ADD3: variants seen among roughly 807,000 people sequenced by gnomAD.
The protein encoded by ADD3 is adducin 3.
ADD3 carries 25 observed loss-of-function variants against 80.2 expected under a neutral mutation model. The ratio of observed to expected loss-of-function variants is 0.31; its 90% CI spans 0.23 to 0.44. ADD3 has a LOEUF of 0.44. Ranked by LOEUF, ADD3 falls within the 20% of genes least tolerant of loss-of-function variation. The pLI, the probability that ADD3 is intolerant of heterozygous loss-of-function variation, is 1.00. For missense variants in ADD3, 829 were observed against 847.5 expected, an observed-to-expected ratio of 0.98 and a Z score of 0.27; for synonymous variants, 284 against 289.6, an observed-to-expected ratio of 0.98 and a Z score of 0.20.
At chr10:110,130,313 T>C (rs748692770) in intron 12 of ADD3, 50 bp from the exon 13 acceptor site, 10 of 1,582,228 alleles carry the variant, frequency 6.3e-6, no homozygotes, top group Admixed American at 1.7e-5. Flanking sequence ...TGGATAGATA[T>C]ATAAGTAAAA....
chr10:110,039,562 C>A (rs182323078), intron 1 of ADD3, among the ~76,000 whole-genome samples: 192 of 152,246 alleles, frequency 1.3e-3, no homozygotes, highest in Middle Eastern at 3.4e-3. Flanking sequence ...ACAGTGAGCA[C>A]CCTGTTTAAA....
At chr10:110,017,673 AATAAAATT>A in intron 1 of ADD3, among the ~76,000 whole-genome samples, 1 of 152,294 alleles carries the variant, frequency 6.6e-6, no homozygotes, top group Middle Eastern at 3.4e-3. Context: ...TCCACAGTAC[AATAAAATT>A]AAACCATGTG....
chr10:110,112,883 A>G lies in ADD3; in HGVS notation c.302A>G (p.Asn101Ser), dbSNP rs765637788. ...CAGATTGCAGATTACATCATGGCCA[A>G]TTCTTTCTCGGGTTTTTCTTCACCT... ...LQQIADYIMA[N>S]SFSGFSSPPL... The change falls in exon 3 of 15, where the codon AAT becomes AGT. Residue 101 changes from asparagine (N) to serine (S), a missense_variant. Coordinates refer to ENST00000356080, the MANE Select transcript of ADD3 (RefSeq NM_016824.5). The G allele has an allele frequency of 2.5e-6, 4 of 1,613,922 alleles. No homozygotes were observed. Among genetic ancestry groups the G allele is most frequent in the East Asian group, 2.2e-5 (1 of 44,868 alleles).
chr10:110,042,632 A>G (rs1856495827), intron 1 of ADD3, among the ~76,000 whole-genome samples: 1 of 151,680 alleles, frequency 6.6e-6, no homozygotes, highest in African/African-American at 2.4e-5. Context: ...AAGAATTAGC[A>G]CACTAATAAA....
At chr10:110,056,661 A>G (rs1858231530) in intron 1 of ADD3, among the ~76,000 whole-genome samples, 1 of 152,212 alleles carries the variant, frequency 6.6e-6, no homozygotes, top group South Asian at 2.1e-4. Context: ...ATTTGCTCTA[A>G]GAGTTAATAA....
At chr10:110,007,256 G>A (rs1851713854), upstream of ADD3, among the ~76,000 whole-genome samples, 1 of 152,314 alleles carries the variant, frequency 6.6e-6, no homozygotes, top group Non-Finnish European at 1.5e-5. Flanking sequence ...CTCTCGAGGG[G>A]TCCAAATGAA....
chr10:110,038,996 A>G (rs1302247165), intron 1 of ADD3, among the ~76,000 whole-genome samples: 2 of 152,168 alleles, frequency 1.3e-5, no homozygotes, highest in African/African-American at 2.4e-5. Context: ...GTGTGTTTGG[A>G]GGGTATTACC....
At position 110,093,649 on chromosome 10, in the gene ADD3, T is replaced by C. The variant is rs370755811; in HGVS notation, c.-29-6976T>C. On this transcript the variant is annotated intron_variant, in intron 1 of 14. Coordinates refer to ENST00000356080, the MANE Select transcript of ADD3 (RefSeq NM_016824.5). ...CCGTACCTTGCATGTAGTTCCTTTT[T>C]GTTTGGAACTCAAAGTTGTGTGGAA... is the stretch of plus-strand genomic sequence containing the variant. Among the ~76,000 whole-genome samples the C allele has an allele frequency of 1.9e-4, 29 of 152,370 alleles. No homozygotes were observed. The East Asian group carries it at 5.0e-3, about 26-fold the overall frequency.
intron 1 of ADD3, among the ~76,000 whole-genome samples, chr10:110,082,119 T>G (rs573171412): frequency 6.6e-6 from 1 of 152,278 alleles, no homozygotes; most frequent in Admixed American, 6.5e-5. Flanking sequence ...TATCAGGAAA[T>G]GCTGTTTTTC....
At chr10:110,061,140 G>A (rs895360604) in intron 1 of ADD3, among the ~76,000 whole-genome samples, 39 of 152,160 alleles carry the variant, frequency 2.6e-4, no homozygotes, top group African/African-American at 8.9e-4. Context: ...ATGAGAAAGA[G>A]GTAAGCCAGC....
chr10:110,050,208 G>A (rs2133383056), intron 1 of ADD3, among the ~76,000 whole-genome samples: 1 of 152,290 alleles, frequency 6.6e-6, no homozygotes, highest in African/African-American at 2.4e-5. Flanking sequence ...GGGTCCAGAG[G>A]TGGAATGATA....
At position 110,009,365 on chromosome 10, in the gene ADD3, A is replaced by G. The variant is rs145806068; in HGVS notation, c.-30+1066A>G. ...GCTTTTCTTGGAATGGCTTCTGACTACATAGTGCAGGGTACGTTCCTAATT... is the reference window on the plus strand; with the variant it reads ...GCTTTTCTTGGAATGGCTTCTGACTGCATAGTGCAGGGTACGTTCCTAATT... On this transcript the variant is annotated intron_variant, in intron 1 of 14. Transcript: ENST00000356080. 1.5e-3 allele frequency among the ~76,000 whole-genome samples: 228 copies of G among 152,318 alleles called. 2 individuals are homozygous for G. Among genetic ancestry groups the G allele is most frequent in the African/African-American group, 5.1e-3 (210 of 41,578 alleles).
intron 1 of ADD3, among the ~76,000 whole-genome samples, chr10:110,046,246 TATTTTCTTATG>T (rs1184285463): frequency 1.3e-5 from 2 of 152,174 alleles, no homozygotes; most frequent in Admixed American, 6.5e-5. Flanking sequence ...ACCGTAAATG[TATTTTCTTATG>T]ATTTTCTTAA....
intron 1 of ADD3, among the ~76,000 whole-genome samples, chr10:110,013,061 A>G (rs1251994843): frequency 1.3e-5 from 2 of 151,982 alleles, no homozygotes; most frequent in African/African-American, 2.4e-5. Flanking sequence ...TAAGATGACT[A>G]CCTCTTCAAA....
At chr10:110,009,486 T>C (rs1048076987) in intron 1 of ADD3, among the ~76,000 whole-genome samples, 2 of 152,200 alleles carry the variant, frequency 1.3e-5, no homozygotes, top group Non-Finnish European at 2.9e-5. Context: ...ACTTGACTGT[T>C]AAAAATATTT....
intron 5 of ADD3, among the ~76,000 whole-genome samples, chr10:110,118,064 AC>A (rs1565013935): frequency 7.4e-6 from 1 of 136,022 alleles, no homozygotes. Context: ...ACACACACAC[AC>A]ACACACACAA....
intron 1 of ADD3, among the ~76,000 whole-genome samples, chr10:110,073,186 A>G: frequency 8.0e-6 from 1 of 124,416 alleles, no homozygotes; most frequent in East Asian, 2.3e-4. Context: ...TCTGTCACCC[A>G]GGCTGGAGTG....
At chr10:110,131,694 T>G (rs1853026776) in intron 13 of ADD3, among the ~76,000 whole-genome samples, 1 of 152,252 alleles carries the variant, frequency 6.6e-6, no homozygotes, top group African/African-American at 2.4e-5. Context: ...TTGTTTATTC[T>G]AACATAAAGT....
intron 1 of ADD3, among the ~76,000 whole-genome samples, chr10:110,045,955 C>T (rs1351090054): frequency 6.6e-6 from 1 of 152,130 alleles, no homozygotes; most frequent in South Asian, 2.1e-4. Flanking sequence ...TTCATCCTTC[C>T]AGTAAATTGT....
Sources: allele counts gnomAD v4.1 joint callset (sites outside exome capture counted in the v4.1 genomes callset), GRCh38; gene constraint gnomAD v4.1.1; transcripts MANE v1.5; gene names NCBI Gene and HGNC (gene_info 2026-07-23, HGNC 2026-07-21).